The following CFAP221 variants were observed in gnomAD, a reference collection of about 807,000 sequenced individuals.
CFAP221 encodes the protein cilia and flagella associated protein 221, also known as cilia- and flagella-associated protein 221.
CFAP221 carries 97 observed loss-of-function variants against 113.1 expected under a neutral mutation model. That is an observed-to-expected ratio of 0.86 (90% CI 0.73 to 1.02). CFAP221 has a LOEUF of 1.02. Among genes scored for constraint, CFAP221 ranks in the 50% least tolerant of loss-of-function variants. The probability of loss-of-function intolerance (pLI) is 0.00; values close to 1 mark genes in which losing one functional copy is unlikely to be tolerated. For missense variants in CFAP221, 1,025 were observed against 1,013.4 expected (o/e 1.01, Z -0.16); for synonymous variants, 331 against 354.4 (o/e 0.93, Z 0.74).
intron 6 of CFAP221, among the ~76,000 whole-genome samples, chr2:119,566,106 G>A (rs996649657): frequency 6.6e-6 from 1 of 152,146 alleles, no homozygotes; most frequent in African/African-American, 2.4e-5. Flanking sequence ...TCAGTTGGGG[G>A]CAGGTAGGAT....
intron 6 of CFAP221, among the ~76,000 whole-genome samples, chr2:119,563,077 C>CGAGGAG (rs578122576): frequency 8.1e-4 from 124 of 152,192 alleles, no homozygotes; most frequent in Admixed American, 2.2e-3. Context: ...TTGCTAGAGC[C>CGAGGAG]GAGGAGTTTG....
chr2:119,599,686 A>T (rs979670176), intron 7 of CFAP221, among the ~76,000 whole-genome samples: 95 of 152,230 alleles, frequency 6.2e-4, no homozygotes, highest in African/African-American at 2.2e-3. Context: ...TCTCCTCACA[A>T]GGGGGGCCTT....
chr2:119,592,220 T>C (rs1683646930), intron 7 of CFAP221, among the ~76,000 whole-genome samples: 1 of 152,128 alleles, frequency 6.6e-6, no homozygotes, highest in Non-Finnish European at 1.5e-5. Flanking sequence ...TATGTAAAAA[T>C]GATGTTACTT....
chr2:119,623,907 A>T (rs1225763715), intron 14 of CFAP221, among the ~76,000 whole-genome samples: 2 of 152,232 alleles, frequency 1.3e-5, no homozygotes, highest in African/African-American at 4.8e-5. Flanking sequence ...ACCTAAAACC[A>T]TAAAAACCCT....
intron 6 of CFAP221, among the ~76,000 whole-genome samples, chr2:119,577,223 G>A (rs959387265): frequency 1.3e-5 from 2 of 152,154 alleles, no homozygotes; most frequent in African/African-American, 2.4e-5. Flanking sequence ...TTCCTAAAAG[G>A]ACACTAATCC....
At position 119,646,966 on chromosome 2, in the gene CFAP221, CCTT is replaced by C; in HGVS notation, c.2236_2238del (p.Phe746del). The C allele has an allele frequency of 6.2e-7, 1 of 1,613,354 alleles. No individual in the cohort carries two copies. The highest frequency in any genetic ancestry group is 1.3e-5 in the African/African-American group (1 of 74,992). On this transcript the variant is annotated inframe_deletion, in exon 22 of 24. Transcript: ENST00000413369. ...GTGTGGTTTTTCCACAGCTGCGATT[CCTT>C]CAATTCATTTATGCTTCCGATAGAC...
intron 21 of CFAP221, among the ~76,000 whole-genome samples, chr2:119,640,610 A>T (rs1384766704): frequency 1.3e-5 from 2 of 152,196 alleles, no homozygotes; most frequent in Middle Eastern, 3.2e-3. Flanking sequence ...AACAGATGTG[A>T]CTGGTGTCCC....
In CFAP221 at chr2:119,600,100, C is replaced by A. The variant is rs751800224; in HGVS notation, c.632-1118C>A. On this transcript the variant is annotated intron_variant, in intron 7 of 23. Coordinates refer to ENST00000413369, the MANE Select transcript of CFAP221 (RefSeq NM_001271049.2). Reference sequence around the variant, plus strand: ...TCATCTAGAAAGCAAACCTAAGAGCCTTCAGTGGAAGTCAGAACATTCGTC... The same window carrying A: ...TCATCTAGAAAGCAAACCTAAGAGCATTCAGTGGAAGTCAGAACATTCGTC... Among the ~76,000 whole-genome samples, 4 of 152,136 alleles carry A rather than the reference C, an allele frequency of 2.6e-5. 1 individual carries two copies. The highest frequency in any genetic ancestry group is 1.3e-4 in the Admixed American group (2 of 15,270).
intron 14 of CFAP221, among the ~76,000 whole-genome samples, chr2:119,622,053 C>G (rs1245287505): frequency 6.6e-6 from 1 of 152,014 alleles, no homozygotes; most frequent in Non-Finnish European, 1.5e-5. Flanking sequence ...ACAAAGAACC[C>G]TTCAAAAAAT....
At chr2:119,638,553 C>G in intron 20 of CFAP221, 136 bp downstream of exon 20, 1 of 1,120,126 alleles carries the variant, frequency 8.9e-7, no homozygotes, top group Non-Finnish European at 1.3e-6. Flanking sequence ...TAACACCGCC[C>G]CTCATACCGC....
chr2:119,617,903 G>A (rs891871969), intron 14 of CFAP221, among the ~76,000 whole-genome samples: 15 of 152,296 alleles, frequency 9.8e-5, no homozygotes, highest in African/African-American at 3.4e-4. Context: ...TCCGGCATCA[G>A]GACCTCTGCA....
intron 6 of CFAP221, among the ~76,000 whole-genome samples, chr2:119,578,269 A>T (rs1682595469): frequency 6.6e-6 from 1 of 152,232 alleles, no homozygotes; most frequent in African/African-American, 2.4e-5. Flanking sequence ...AGAGCCCAGA[A>T]TCAAGGAAGA....
chr2:119,602,807 C>T (rs937350331), intron 8 of CFAP221: 8 of 980,862 alleles, frequency 8.2e-6, no homozygotes, highest in Non-Finnish European at 9.7e-6. Flanking sequence ...TGCTACAATA[C>T]TCAAATGACT....
In CFAP221 at chr2:119,576,693, G is replaced by A. The variant is rs149998471; in HGVS notation, c.528-10426G>A. On this transcript the variant is annotated intron_variant, in intron 6 of 23. Transcript: ENST00000413369. ...GGCTCCAATCCCAGTGAGATTGATT[G>A]TGTCTTTGAAAACAAGATAAGCAAC... 3.9e-5 allele frequency among the ~76,000 whole-genome samples: 6 copies of A among 152,276 alleles called. No homozygotes were observed. In the East Asian group the frequency reaches 1.2e-3, roughly 29 times the overall value.
intron 11 of CFAP221, among the ~76,000 whole-genome samples, chr2:119,605,836 T>C (rs1194162962): frequency 6.6e-6 from 1 of 152,306 alleles, no homozygotes; most frequent in African/African-American, 2.4e-5. Flanking sequence ...TAAACTCTTT[T>C]TTTTGAGAAA....
Position 119,639,814 on chromosome 2 carries a change from T to C in CFAP221, c.2167T>C (p.Phe723Leu). 2.5e-6 allele frequency: 4 copies of C among 1,614,158 alleles called. No individual in the cohort carries two copies. The highest frequency in any genetic ancestry group is 3.4e-6 in the Non-Finnish European group (4 of 1,180,016). The change falls in exon 21 of 24, where the codon TTC becomes CTC. Residue 723 changes from phenylalanine to leucine, a missense_variant. Phe to Leu is a conservative substitution (Grantham distance 22). Transcript: ENST00000413369. ...IIPGIMHWKS[F>L]QSLVLSSLPD... ...TCCCGGAATAATGCACTGGAAAAGC[T>C]TCCAGTCCCTGGTTCTCTCCTCCCT...
intron 6 of CFAP221, among the ~76,000 whole-genome samples, chr2:119,585,391 C>G (rs1683141341): frequency 6.6e-6 from 1 of 152,096 alleles, no homozygotes; most frequent in Non-Finnish European, 1.5e-5. Flanking sequence ...TAGTTTGGAA[C>G]AGATTTCAAT....
At chr2:119,628,646 G>A (rs1286231439) in intron 16 of CFAP221, among the ~76,000 whole-genome samples, 2 of 152,194 alleles carry the variant, frequency 1.3e-5, no homozygotes, top group African/African-American at 4.8e-5. Flanking sequence ...AAAATATTTT[G>A]TCAATTTCAA....
chr2:119,549,777 G>A (rs1046974877), intron 3 of CFAP221, among the ~76,000 whole-genome samples: 1 of 152,222 alleles, frequency 6.6e-6, no homozygotes, highest in Non-Finnish European at 1.5e-5. Context: ...GGTCCAGGGA[G>A]GCAGGGGTCA....
Sources: gnomAD v4.1 joint callset for allele counts (sites outside exome capture counted in the v4.1 genomes callset) on GRCh38, gnomAD v4.1.1 for gene constraint, MANE v1.5 for transcripts, NCBI Gene and HGNC (gene_info 2026-07-23, HGNC 2026-07-21) for gene names.